Variants in PARD3B observed in about 807,000 individuals in gnomAD.
PARD3B encodes the protein partitioning defective 3 homolog B.
In PARD3B, 103 loss-of-function variants were observed where a neutral mutation model predicts 130.2. The observed-to-expected ratio is 0.79, with a 90% CI of 0.67 to 0.93. The LOEUF (loss-of-function observed/expected upper bound fraction) is 0.93. PARD3B is among the 40% of genes least tolerant of loss of function. The probability of loss-of-function intolerance (pLI) is 0.00; values close to 1 mark genes in which losing one functional copy is unlikely to be tolerated. For synonymous variants in PARD3B, 583 were observed against 553.2 expected (o/e 1.05, Z -0.76); for missense variants, 1,609 against 1,499.2 (o/e 1.07, Z -1.21).
intron 2 of PARD3B, among the ~76,000 whole-genome samples, chr2:204,834,076 C>CA (rs1299022572): frequency 2.2e-4 from 34 of 152,160 alleles, no homozygotes; most frequent in African/African-American, 8.0e-4. Flanking sequence ...CTCTCATATG[C>CA]AATATTTTTT....
At chr2:205,314,223 A>G (rs1192515432) in intron 18 of PARD3B, among the ~76,000 whole-genome samples, 1 of 152,224 alleles carries the variant, frequency 6.6e-6, no homozygotes, top group African/African-American at 2.4e-5. Flanking sequence ...ACTAACATCC[A>G]TCTTCAAGAT....
intron 1 of PARD3B, among the ~76,000 whole-genome samples, chr2:204,650,077 T>G (rs2035427078): frequency 6.6e-6 from 1 of 152,034 alleles, no homozygotes; most frequent in Non-Finnish European, 1.5e-5. Context: ...AAAAAACCCA[T>G]TAAAAAGTGG....
At chr2:204,872,080 T>C (rs142380075) in intron 2 of PARD3B, among the ~76,000 whole-genome samples, 4 of 152,192 alleles carry the variant, frequency 2.6e-5, no homozygotes, top group African/African-American at 7.2e-5. Context: ...CTTAACACTA[T>C]TGACTCAAAA....
At chr2:204,978,946 C>G (rs957872015) in intron 3 of PARD3B, among the ~76,000 whole-genome samples, 2 of 73,786 alleles carry the variant, frequency 2.7e-5, no homozygotes, top group African/African-American at 1.1e-4. Context: ...CCTGGAGAGA[C>G]AAAATGAGAC....
intron 19 of PARD3B, among the ~76,000 whole-genome samples, chr2:205,419,211 G>A (rs190535132): frequency 4.7e-4 from 72 of 152,146 alleles, no homozygotes; most frequent in African/African-American, 1.5e-3. Flanking sequence ...TGCTGTTCTC[G>A]TGATAGTGAG....
At chr2:205,433,172 T>C (rs976101915) in intron 19 of PARD3B, among the ~76,000 whole-genome samples, 2 of 152,184 alleles carry the variant, frequency 1.3e-5, no homozygotes, top group African/African-American at 4.8e-5. Flanking sequence ...TCTAAATTTG[T>C]TAGTTTATAA....
At chr2:205,170,088 G>A (rs1470050565) in intron 11 of PARD3B, among the ~76,000 whole-genome samples, 5 of 151,826 alleles carry the variant, frequency 3.3e-5, no homozygotes, top group East Asian at 1.9e-4. Context: ...GCACCACCGC[G>A]CCCAGCTAAT....
intron 1 of PARD3B, among the ~76,000 whole-genome samples, chr2:204,548,333 G>A (rs13400246): frequency 0.046 from 6,992 of 152,150 alleles, 525 homozygotes; most frequent in African/African-American, 0.16. Context: ...ACACTAACAT[G>A]TAACATGTAT....
intron 1 of PARD3B, among the ~76,000 whole-genome samples, chr2:204,580,381 C>A (rs939796234): frequency 2.2e-4 from 34 of 152,156 alleles, no homozygotes; most frequent in African/African-American, 8.2e-4. Context: ...CCTCTCTCTT[C>A]TTCGTCACTC....
At chr2:204,617,492 G>C (rs1048307701) in intron 1 of PARD3B, among the ~76,000 whole-genome samples, 1 of 152,154 alleles carries the variant, frequency 6.6e-6, no homozygotes, top group African/African-American at 2.4e-5. Context: ...CATAAGCCAA[G>C]CCAAGGCAAC....
At position 205,562,755 on chromosome 2, in the gene PARD3B, T is replaced by C. The variant is rs2053183707; in HGVS notation, c.3260+9352T>C. ...TGCCATTCCACCATCTGCCTCCTAA[T>C]GCTCATTGCCCTGGAATTATGGTGG... is the stretch of plus-strand genomic sequence containing the variant. On this transcript the variant is annotated intron_variant, in intron 22 of 22. Coordinates refer to ENST00000406610, the MANE Select transcript of PARD3B (RefSeq NM_001302769.2). The surrounding 1 kb of genome is among the most constrained non-coding windows in gnomAD (Gnocchi z 5.4). Among the ~76,000 whole-genome samples the C allele has an allele frequency of 6.6e-6, 1 of 152,214 alleles. No homozygotes were observed. The highest frequency in any genetic ancestry group is 2.1e-4 in the South Asian group (1 of 4,830).
intron 2 of PARD3B, among the ~76,000 whole-genome samples, chr2:204,927,351 T>C (rs530167413): frequency 1.3e-5 from 2 of 152,044 alleles, no homozygotes; most frequent in Non-Finnish European, 2.9e-5. Flanking sequence ...GAGATCTCCT[T>C]CTCCTTCCAC....
chr2:204,718,036 C>T (rs940718628), intron 2 of PARD3B, among the ~76,000 whole-genome samples: 1 of 152,076 alleles, frequency 6.6e-6, no homozygotes, highest in Non-Finnish European at 1.5e-5. Context: ...GGAACAGAGT[C>T]TCACACACTA....
At chr2:205,103,330 C>T (rs10199358) in intron 4 of PARD3B, among the ~76,000 whole-genome samples, 3,299 of 91,548 alleles carry the variant, frequency 0.036, 511 homozygotes, top group African/African-American at 0.12. Flanking sequence ...GTAAAATAAA[C>T]ATATTTTTAT....
intron 2 of PARD3B, among the ~76,000 whole-genome samples, chr2:204,716,692 G>A (rs1007579696): frequency 5.8e-4 from 87 of 148,952 alleles, no homozygotes; most frequent in African/African-American, 1.9e-3. Flanking sequence ...GCGCGATCTC[G>A]GCTCACTGCA....
intron 2 of PARD3B, among the ~76,000 whole-genome samples, chr2:204,927,607 A>G (rs1687718336): frequency 1.3e-5 from 2 of 152,174 alleles, no homozygotes; most frequent in Non-Finnish European, 2.9e-5. Flanking sequence ...GATTATAATT[A>G]TAACGTTAAA....
At chr2:205,024,577 G>A (rs906011236) in intron 3 of PARD3B, among the ~76,000 whole-genome samples, 1 of 152,112 alleles carries the variant, frequency 6.6e-6, no homozygotes, top group Non-Finnish European at 1.5e-5. Context: ...GTGGACATTT[G>A]TCCAGATATG....
intron 1 of PARD3B, among the ~76,000 whole-genome samples, chr2:204,672,487 A>C (rs1182980995): frequency 1.3e-5 from 2 of 152,196 alleles, no homozygotes; most frequent in African/African-American, 4.8e-5. Flanking sequence ...TGGCAAACAG[A>C]TACTTTTATA....
Position 204,606,152 on chromosome 2 carries a change from T to C in PARD3B, c.120+60033T>C, listed in dbSNP as rs2033715697. 6.6e-6 allele frequency among the ~76,000 whole-genome samples: 1 copy of C among 152,206 alleles called. No homozygotes were observed. Among genetic ancestry groups the C allele is most frequent in the African/African-American group, 2.4e-5 (1 of 41,446 alleles). ...TGTCTCTCCAACTCCGATATATGCT[T>C]CTTGAGGTCAATACCTGGATCAGAT... On this transcript the variant is annotated intron_variant, in intron 1 of 22. Coordinates refer to ENST00000406610, the MANE Select transcript of PARD3B (RefSeq NM_001302769.2). This position sits in a 1 kb window ranked among gnomAD's most constrained non-coding sequence, Gnocchi z 4.0.
Sources: gnomAD v4.1 joint callset for allele counts (sites outside exome capture counted in the v4.1 genomes callset) on GRCh38, gnomAD v4.1.1 for gene constraint, Gnocchi (gnomAD v3.1) non-coding constraint, MANE v1.5 for transcripts, NCBI Gene and HGNC (gene_info 2026-07-23, HGNC 2026-07-21) for gene names.